The following ITPR1 variants were observed in gnomAD, a reference collection of about 807,000 sequenced individuals.
The protein encoded by ITPR1 is inositol 1,4,5-trisphosphate receptor type 1.
In ITPR1, 96 loss-of-function variants were observed where a neutral mutation model predicts 318.4. The observed-to-expected ratio is 0.30, with a 90% CI of 0.26 to 0.36. ITPR1 has a LOEUF of 0.36. ITPR1 is among the 10% of genes least tolerant of loss of function. The pLI is 1.00. For missense variants in ITPR1, 2,440 were observed against 3,460.2 expected (o/e 0.71, Z 7.40); for synonymous variants, 1,312 against 1,289.9 (o/e 1.02, Z -0.37).
intron 4 of ITPR1, among the ~76,000 whole-genome samples, chr3:4,578,744 T>A (rs917919201): frequency 6.6e-6 from 1 of 152,172 alleles, no homozygotes; most frequent in African/African-American, 2.4e-5. Context: ...CAAGGAACAA[T>A]GAAGGAGGGC....
intron 44 of ITPR1, among the ~76,000 whole-genome samples, chr3:4,748,221 C>T (rs1392750310): frequency 6.6e-6 from 1 of 152,188 alleles, no homozygotes; most frequent in Non-Finnish European, 1.5e-5. Context: ...AGCTTTCTCC[C>T]ATGCTAGCCA....
chr3:4,665,338 C>T (rs2093923144), intron 17 of ITPR1, 42 bp downstream of exon 17: 3 of 1,565,204 alleles, frequency 1.9e-6, no homozygotes, highest in African/African-American at 2.7e-5. Flanking sequence ...TCAGTTTCCT[C>T]CCTGAAGTTT....
chr3:4,732,854 A>T (rs1385860502), intron 42 of ITPR1, among the ~76,000 whole-genome samples: 1 of 152,214 alleles, frequency 6.6e-6, no homozygotes, highest in African/African-American at 2.4e-5. Flanking sequence ...TCATTGTGTG[A>T]GAGGGAACTT....
chr3:4,825,048 AC>A (rs1402321413), intron 60 of ITPR1, among the ~76,000 whole-genome samples: 3 of 152,178 alleles, frequency 2.0e-5, no homozygotes, highest in Non-Finnish European at 2.9e-5. Flanking sequence ...GAGCTTCCAC[AC>A]CCAGGTGACT....
At chr3:4,506,780 A>G (rs1428239526) in intron 2 of ITPR1, among the ~76,000 whole-genome samples, 1 of 152,228 alleles carries the variant, frequency 6.6e-6, no homozygotes, top group Non-Finnish European at 1.5e-5. Flanking sequence ...TCATCCTGTT[A>G]TATAAAGTTT....
At chr3:4,694,931 C>T (rs1439443693) in intron 33 of ITPR1, among the ~76,000 whole-genome samples, 1 of 152,154 alleles carries the variant, frequency 6.6e-6, no homozygotes, top group Non-Finnish European at 1.5e-5. Flanking sequence ...TAGAATTTTG[C>T]ACATAAACGC....
intron 46 of ITPR1, among the ~76,000 whole-genome samples, chr3:4,770,119 G>C (rs930467785): frequency 7.9e-5 from 12 of 152,130 alleles, no homozygotes; most frequent in African/African-American, 9.7e-5. Context: ...GGGTTATGAG[G>C]GTATGGAAAG....
chr3:4,698,221 T>C (rs764143411), intron 34 of ITPR1, among the ~76,000 whole-genome samples: 26 of 152,180 alleles, frequency 1.7e-4, no homozygotes, highest in Non-Finnish European at 2.1e-4. Context: ...AGAAACATTG[T>C]GGTGTGAAAA....
rs202194153 is a variant in ITPR1 at position 4,569,072 on chromosome 3, C to CA, written c.163+47979dup. On this transcript the variant is annotated intron_variant, in intron 4 of 61. Coordinates refer to ENST00000649015, the MANE Select transcript of ITPR1 (RefSeq NM_001378452.1). ...ACCTCCCACCAGGCCCCACCCCTCA[C>CA]ACTGAGGATCACATTTCAGCATGAG... Among the ~76,000 whole-genome samples the CA allele has an allele frequency of 3.3e-3, 500 of 152,328 alleles. 6 individuals carry two copies. The highest frequency in any genetic ancestry group is 0.029 in the Admixed American group (450 of 15,310).
chr3:4,731,658 A>G (rs1267762122), intron 42 of ITPR1, among the ~76,000 whole-genome samples: 1 of 152,200 alleles, frequency 6.6e-6, no homozygotes, highest in East Asian at 1.9e-4. Flanking sequence ...AACAGAGTAG[A>G]TAAACCCTTT....
At chr3:4,689,734 T>C (rs973411138) in intron 31 of ITPR1, among the ~76,000 whole-genome samples, 3 of 152,166 alleles carry the variant, frequency 2.0e-5, no homozygotes, top group Non-Finnish European at 4.4e-5. Context: ...TTCTAGAAGG[T>C]AACATGAGAA....
intron 12 of ITPR1, 147 bp downstream of exon 12, chr3:4,654,033 G>A: frequency 1.7e-6 from 1 of 605,934 alleles, no homozygotes; most frequent in Admixed American, 2.8e-5. Flanking sequence ...CATGTTCTGT[G>A]CTTCCCTTGA....
At chr3:4,620,513 C>A (rs892762320) in intron 4 of ITPR1, among the ~76,000 whole-genome samples, 2 of 152,024 alleles carry the variant, frequency 1.3e-5, no homozygotes, top group African/African-American at 2.4e-5. Context: ...GTGCTAATTG[C>A]GTGTTTTTTC....
At chr3:4,530,672 A>G (rs997337022) in intron 4 of ITPR1, among the ~76,000 whole-genome samples, 20 of 152,184 alleles carry the variant, frequency 1.3e-4, no homozygotes, top group African/African-American at 4.8e-4. Flanking sequence ...TCCCTGCTAC[A>G]CAGGAGGCTG....
At chr3:4,645,284 C>A (rs1219182070) in intron 8 of ITPR1, 103 bp from the exon 9 acceptor site, 8 of 781,650 alleles carry the variant, frequency 1.0e-5, no homozygotes, top group Non-Finnish European at 1.8e-5. Context: ...TTTTTAGTCT[C>A]AAGTACAGCC....
chr3:4,519,827 C>A (rs2082427510), intron 3 of ITPR1, among the ~76,000 whole-genome samples: 1 of 152,060 alleles, frequency 6.6e-6, no homozygotes, highest in African/African-American at 2.4e-5. Context: ...CATCTTCTGG[C>A]CTTCATGGAG....
At position 4,666,856 on chromosome 3, in the gene ITPR1, T is replaced by C. The variant is rs200033616; in HGVS notation, c.1714-521T>C. Among the ~76,000 whole-genome samples, 3 of 152,222 alleles carry C rather than the reference T, an allele frequency of 2.0e-5. No individual in the cohort carries two copies. The East Asian group carries it at 5.8e-4, about 29-fold the overall frequency. ...GATGTATTCATGAGTTCCATGCATA[T>C]GATGGATTTTCTTAGGTATTTATTC... On this transcript the variant is annotated intron_variant, in intron 17 of 61. Coordinates refer to ENST00000649015, the MANE Select transcript of ITPR1 (RefSeq NM_001378452.1).
At chr3:4,767,676 A>C (rs2125374808) in intron 45 of ITPR1, among the ~76,000 whole-genome samples, 1 of 152,332 alleles carries the variant, frequency 6.6e-6, no homozygotes, top group East Asian at 1.9e-4. Flanking sequence ...GCACCACTAC[A>C]TCTGGCTGAT....
chr3:4,787,690 T>C (rs1239081339), intron 51 of ITPR1, among the ~76,000 whole-genome samples: 1 of 152,126 alleles, frequency 6.6e-6, no homozygotes, highest in Non-Finnish European at 1.5e-5. Flanking sequence ...AGAGCAAGAC[T>C]CCTGACTCTG....
Sources: gnomAD v4.1 joint callset for allele counts (sites outside exome capture counted in the v4.1 genomes callset) on GRCh38, gnomAD v4.1.1 for gene constraint, MANE v1.5 for transcripts, NCBI Gene and HGNC (gene_info 2026-07-23, HGNC 2026-07-21) for gene names.